KIRREL3: variants seen among roughly 807,000 people sequenced by gnomAD.
The protein encoded by KIRREL3 is kin of IRRE-like protein 3.
Under a neutral mutation model 89.7 loss-of-function variants are expected in KIRREL3, and 36 were observed. The observed-to-expected ratio is 0.40, with a 90% CI of 0.31 to 0.53. KIRREL3 has a LOEUF of 0.53. KIRREL3 is among the 20% of genes least tolerant of loss of function. The pLI is 0.49. For missense variants in KIRREL3, 864 were observed against 1,056.6 expected (o/e 0.82, Z 2.53); for synonymous variants, 445 against 441.4 (o/e 1.01, Z -0.10).
rs1325273061 is a variant in KIRREL3 at position 126,990,409 on chromosome 11, A to G, written c.55+10046T>C. On this transcript the variant is annotated intron_variant, in intron 1 of 16. Coordinates refer to ENST00000525144, the MANE Select transcript of KIRREL3 (RefSeq NM_032531.4). The surrounding 1 kb of genome is among the most constrained non-coding windows in gnomAD (Gnocchi z 6.3). ...ATCTGTAACGTTGCCCTCACCACCC[A>G]GAGGCGAGGAGGAGAGCCCCCCATC... is the stretch of plus-strand genomic sequence containing the variant. Among the ~76,000 whole-genome samples the G allele has an allele frequency of 2.0e-5, 3 of 151,870 alleles. No individual in the cohort carries two copies. Among genetic ancestry groups the G allele is most frequent in the Non-Finnish European group, 4.4e-5 (3 of 68,006 alleles).
At chr11:126,825,788 A>G (rs1943385498) in intron 1 of KIRREL3, among the ~76,000 whole-genome samples, 1 of 152,198 alleles carries the variant, frequency 6.6e-6, no homozygotes, top group Non-Finnish European at 1.5e-5. Flanking sequence ...AGGTACTTCC[A>G]CTATCCTCGT....
chr11:126,425,921 G>A (rs956743739), intron 15 of KIRREL3, among the ~76,000 whole-genome samples, 197 bp from the exon 16 acceptor site: 1 of 152,238 alleles, frequency 6.6e-6, no homozygotes, highest in African/African-American at 2.4e-5. Flanking sequence ...TGAGGGGGGT[G>A]GGTGAGTAGG....
intron 1 of KIRREL3, among the ~76,000 whole-genome samples, chr11:126,786,940 A>C (rs1946051): frequency 0.87 from 132,560 of 152,220 alleles, 58,042 homozygotes; most frequent in East Asian, 1. Flanking sequence ...TAATGAGCAG[A>C]AGGAGCTGCT....
chr11:126,673,704 G>A (rs1286546644), intron 1 of KIRREL3, among the ~76,000 whole-genome samples: 1 of 152,196 alleles, frequency 6.6e-6, no homozygotes, highest in African/African-American at 2.4e-5. Context: ...GAGGAGTGTG[G>A]GGAATAGTCT....
At chr11:126,957,313 G>A (rs942577005) in intron 1 of KIRREL3, among the ~76,000 whole-genome samples, 1 of 152,156 alleles carries the variant, frequency 6.6e-6, no homozygotes, top group African/African-American at 2.4e-5. Context: ...AAGGAACATT[G>A]CTAATTGATG....
At chr11:126,517,046 C>T (rs540567093) in intron 4 of KIRREL3, among the ~76,000 whole-genome samples, 14 of 151,268 alleles carry the variant, frequency 9.3e-5, no homozygotes, top group East Asian at 3.9e-4. Context: ...CCAGCCTGGG[C>T]GACAGAGCCA....
Position 126,776,462 on chromosome 11 carries a change from TTGCAGCACCATAGCAGAGATATGGTGC to T in KIRREL3, c.56-213577_56-213551del, listed in dbSNP as rs1950171641. On this transcript the variant is annotated intron_variant, in intron 1 of 16. Transcript: ENST00000525144. This position sits in a 1 kb window ranked among gnomAD's most constrained non-coding sequence, Gnocchi z 4.7. ...GGCTGTGAGAATCAAATGAAATGAT[TTGCAGCACCATAGCAGAGATATGGTGC>T]TGCAGGACACTGGCTGCAGACAGGT... is the stretch of plus-strand genomic sequence containing the variant. Among the ~76,000 whole-genome samples the T allele has an allele frequency of 6.6e-6, 1 of 152,184 alleles. No individual in the cohort carries two copies. Among genetic ancestry groups the T allele is most frequent in the Non-Finnish European group, 1.5e-5 (1 of 68,020 alleles).
rs1429805671 is a variant in KIRREL3, at chr11:126,912,051, A to T, written c.55+88404T>A. Among the ~76,000 whole-genome samples, 1 of 151,512 alleles carries T rather than the reference A, an allele frequency of 6.6e-6. No homozygotes were observed. The highest frequency in any genetic ancestry group is 6.6e-5 in the Admixed American group (1 of 15,242). ...GTAGAGACTGGGAAGGAAGCCCTGC[A>T]GAGAAGCTGCCAGCCCACATACTCA... On this transcript the variant is annotated intron_variant, in intron 1 of 16. Coordinates refer to ENST00000525144, the MANE Select transcript of KIRREL3 (RefSeq NM_032531.4). This position sits in a 1 kb window ranked among gnomAD's most constrained non-coding sequence, Gnocchi z 4.7.
At chr11:126,518,762 T>A (rs527814835) in intron 4 of KIRREL3, among the ~76,000 whole-genome samples, 1 of 152,346 alleles carries the variant, frequency 6.6e-6, no homozygotes, top group East Asian at 1.9e-4. Flanking sequence ...CCCTTCCAGC[T>A]GGCTGGGTCA....
At position 126,796,877 on chromosome 11, in the gene KIRREL3, A is replaced by G. The variant is rs1047134943; in HGVS notation, c.55+203578T>C. Among the ~76,000 whole-genome samples, 1 of 152,052 alleles carries G rather than the reference A, an allele frequency of 6.6e-6. No homozygotes were observed. Among genetic ancestry groups the G allele is most frequent in the Non-Finnish European group, 1.5e-5 (1 of 68,012 alleles). Reference sequence around the variant, plus strand: ...TGTACCTTAGGTAGAGTACATGAAAATCTGATTGTTGGCAGAGCCCTCGGA... The same window carrying G: ...TGTACCTTAGGTAGAGTACATGAAAGTCTGATTGTTGGCAGAGCCCTCGGA... On this transcript the variant is annotated intron_variant, in intron 1 of 16. Transcript: ENST00000525144. The surrounding 1 kb of genome is among the most constrained non-coding windows in gnomAD (Gnocchi z 5.1).
At position 126,755,534 on chromosome 11, in the gene KIRREL3, A is replaced by C. The variant is rs1339059753; in HGVS notation, c.56-192622T>G. 6.6e-6 allele frequency among the ~76,000 whole-genome samples: 1 copy of C among 152,168 alleles called. No homozygotes were observed. Among genetic ancestry groups the C allele is most frequent in the Admixed American group, 6.5e-5 (1 of 15,270 alleles). On this transcript the variant is annotated intron_variant, in intron 1 of 16. Transcript: ENST00000525144. This position sits in a 1 kb window ranked among gnomAD's most constrained non-coding sequence, Gnocchi z 4.3. The stretch of plus-strand genomic sequence containing the variant: ...TCTTTAAAAAAGACACACACCAGAA[A>C]GTAAAAAAACAAAACAACAACAACA...
At chr11:126,442,340 AC>A (rs1220897204) in intron 10 of KIRREL3, among the ~76,000 whole-genome samples, 13 of 138,946 alleles carry the variant, frequency 9.4e-5, no homozygotes, top group African/African-American at 3.6e-4. Context: ...ACACACACAC[AC>A]ACACACACAC....
At chr11:126,753,764 C>T (rs1281622241) in intron 1 of KIRREL3, among the ~76,000 whole-genome samples, 2 of 152,216 alleles carry the variant, frequency 1.3e-5, no homozygotes, top group Non-Finnish European at 2.9e-5. Context: ...TAAATCTCAT[C>T]ACCACCTGTC....
At position 126,805,678 on chromosome 11, in the gene KIRREL3, T is replaced by C. The variant is rs1274052733; in HGVS notation, c.55+194777A>G. 6.6e-6 allele frequency among the ~76,000 whole-genome samples: 1 copy of C among 152,216 alleles called. No homozygotes were observed. The stretch of plus-strand genomic sequence containing the variant: ...ACAGTACAAAGTATGTAATAGATAT[T>C]ACGTTTTTATTTACTACTATGTATG... On this transcript the variant is annotated intron_variant, in intron 1 of 16. Coordinates refer to ENST00000525144, the MANE Select transcript of KIRREL3 (RefSeq NM_032531.4). The surrounding 1 kb of genome is among the most constrained non-coding windows in gnomAD (Gnocchi z 4.3).
chr11:126,775,402 A>G (rs138204847), intron 1 of KIRREL3, among the ~76,000 whole-genome samples: 520 of 152,302 alleles, frequency 3.4e-3, no homozygotes, highest in African/African-American at 0.011. Flanking sequence ...GAGGAGATGC[A>G]GGCTGGTAAC....
chr11:126,822,287 T>A (rs1196121210), intron 1 of KIRREL3, among the ~76,000 whole-genome samples: 2 of 152,236 alleles, frequency 1.3e-5, no homozygotes, highest in Admixed American at 6.5e-5. Flanking sequence ...ATTACTATTA[T>A]ATAAAGCACA....
At chr11:126,853,866 T>C (rs1208772387) in intron 1 of KIRREL3, among the ~76,000 whole-genome samples, 1 of 152,178 alleles carries the variant, frequency 6.6e-6, no homozygotes, top group East Asian at 1.9e-4. Flanking sequence ...AGATTAAGAA[T>C]ACAGTTCTCA....
Position 126,718,219 on chromosome 11 carries a change from C to T in KIRREL3, c.56-155307G>A, listed in dbSNP as rs903362621. Among the ~76,000 whole-genome samples, 11 of 152,284 alleles carry T rather than the reference C, an allele frequency of 7.2e-5. No homozygotes were observed. The South Asian group carries it at 2.1e-3, about 29-fold the overall frequency. The stretch of plus-strand genomic sequence containing the variant: ...CTGCCTCAGGCTCAGGCAGGCGGGC[C>T]CACCCAGAACTGCAGCCAGACACCC... On this transcript the variant is annotated intron_variant, in intron 1 of 16. Transcript: ENST00000525144.
Position 126,969,835 on chromosome 11 carries a change from T to A in KIRREL3, c.55+30620A>T, listed in dbSNP as rs1233866844. Among the ~76,000 whole-genome samples the A allele has an allele frequency of 6.6e-6, 1 of 152,166 alleles. No homozygotes were observed. The highest frequency in any genetic ancestry group is 6.5e-5 in the Admixed American group (1 of 15,282). On this transcript the variant is annotated intron_variant, in intron 1 of 16. Coordinates refer to ENST00000525144, the MANE Select transcript of KIRREL3 (RefSeq NM_032531.4). The surrounding 1 kb of genome is among the most constrained non-coding windows in gnomAD (Gnocchi z 4.9). ...AAAAGGTAGCAGACAGCCTTTCCCT[T>A]CTCTTCTCCTTTCTCTCTACTCTGC...
Sources: gnomAD v4.1 joint callset for allele counts (sites outside exome capture counted in the v4.1 genomes callset) on GRCh38, gnomAD v4.1.1 for gene constraint, Gnocchi (gnomAD v3.1) non-coding constraint, MANE v1.5 for transcripts, NCBI Gene and HGNC (gene_info 2026-07-23, HGNC 2026-07-21) for gene names.